TNNI3K: variants seen among roughly 807,000 people sequenced by gnomAD.
TNNI3K encodes the protein TNNI3 interacting kinase, also known as serine/threonine-protein kinase TNNI3K.
A neutral mutation model predicts 114.5 loss-of-function variants in TNNI3K; 140 were observed. That is an observed-to-expected ratio of 1.22 (90% CI 1.07 to 1.41). The LOEUF is 1.41. TNNI3K is among the 40% of genes most tolerant of loss of function. The probability of loss-of-function intolerance (pLI) is 0.00; values close to 1 mark genes in which losing one functional copy is unlikely to be tolerated. For synonymous variants in TNNI3K, 347 were observed against 347.5 expected, an observed-to-expected ratio of 1.00 and a Z score of 0.02; for missense variants, 1,125 against 1,007.6, an observed-to-expected ratio of 1.12 and a Z score of -1.58.
At chr1:74,388,191 T>C (rs1469118565) in intron 17 of TNNI3K, among the ~76,000 whole-genome samples, 1 of 151,970 alleles carries the variant, frequency 6.6e-6, no homozygotes, top group African/African-American at 2.4e-5. Flanking sequence ...GGCAGAAGAA[T>C]GGCTTGAACC....
chr1:74,536,055 G>C (rs1374309488), intron 23 of TNNI3K, among the ~76,000 whole-genome samples: 2 of 152,122 alleles, frequency 1.3e-5, no homozygotes, highest in Non-Finnish European at 2.9e-5. Flanking sequence ...GAAAACTTCT[G>C]TTTAAATCAT....
At chr1:74,312,991 C>G (rs1196728852) in intron 5 of TNNI3K, among the ~76,000 whole-genome samples, 1 of 152,174 alleles carries the variant, frequency 6.6e-6, no homozygotes, top group Non-Finnish European at 1.5e-5. Flanking sequence ...CCAATCTGTA[C>G]CTAGGCAGAC....
chr1:74,518,283 A>G (rs1646377441), intron 23 of TNNI3K, among the ~76,000 whole-genome samples: 1 of 152,224 alleles, frequency 6.6e-6, no homozygotes, highest in Non-Finnish European at 1.5e-5. Context: ...GGTCATTAAC[A>G]GAAATTGAAA....
chr1:74,436,899 A>T (rs971097251), intron 19 of TNNI3K, among the ~76,000 whole-genome samples: 2 of 152,080 alleles, frequency 1.3e-5, no homozygotes, highest in South Asian at 4.1e-4. Flanking sequence ...TCTATTAACT[A>T]TTCATCGTTC....
In TNNI3K at chr1:74,266,511, A is replaced by G. The variant is rs138224882; in HGVS notation, c.334-5087A>G. The stretch of plus-strand genomic sequence containing the variant: ...AGGGGAAGGGGCATAGATAGCAAAT[A>G]TCTGTGGGTTGAGTATAGATGAATG... On this transcript the variant is annotated intron_variant, in intron 4 of 24. Coordinates refer to ENST00000326637, the MANE Select transcript of TNNI3K (RefSeq NM_015978.3). 1.2e-4 allele frequency among the ~76,000 whole-genome samples: 18 copies of G among 152,136 alleles called. 1 individual carries two copies. The East Asian group carries it at 3.5e-3, about 29-fold the overall frequency.
intron 5 of TNNI3K, among the ~76,000 whole-genome samples, chr1:74,277,619 A>G (rs1319745512): frequency 6.6e-6 from 1 of 151,978 alleles, no homozygotes; most frequent in Non-Finnish European, 1.5e-5. Context: ...TACTTAAATA[A>G]CTCCTTAAAA....
At chr1:74,336,248 T>A in intron 7 of TNNI3K, 99 bp downstream of exon 7, 1 of 1,396,720 alleles carries the variant, frequency 7.2e-7, no homozygotes, top group South Asian at 1.5e-5. Flanking sequence ...AGTTGACTAA[T>A]CCTGTAGTCA....
intron 2 of TNNI3K, 55 bp from the exon 3 acceptor site, chr1:74,249,404 A>C: frequency 6.5e-7 from 1 of 1,534,152 alleles, no homozygotes; most frequent in Non-Finnish European, 8.9e-7. Flanking sequence ...TTTCAAATGA[A>C]AGACAATATG....
chr1:74,469,679 G>C (rs1667830297), intron 21 of TNNI3K: 1 of 380,174 alleles, frequency 2.6e-6, no homozygotes, highest in Non-Finnish European at 4.7e-6. Flanking sequence ...AATTGTGTCA[G>C]ACGTATCCTA....
At chr1:74,511,942 A>G (rs984987579) in intron 23 of TNNI3K, among the ~76,000 whole-genome samples, 2 of 152,214 alleles carry the variant, frequency 1.3e-5, no homozygotes, top group African/African-American at 4.8e-5. Context: ...ATGAGGATCT[A>G]AAGTCAATAG....
rs189610745 is a variant in TNNI3K at position 74,443,586 on chromosome 1, A to G, written c.2011+3964A>G. Among the ~76,000 whole-genome samples, 416 of 152,336 alleles carry G rather than the reference A, an allele frequency of 2.7e-3. 2 individuals are homozygous for G. The highest frequency in any genetic ancestry group is 3.3e-3 in the Non-Finnish European group (225 of 68,022). On this transcript the variant is annotated intron_variant, in intron 20 of 24. Transcript: ENST00000326637. ...ACTGAATTCTACCTGAGGTACAAAGAGGAGCTGGTACCATTTTTTCTGAAA... is the reference window on the plus strand; with the variant it reads ...ACTGAATTCTACCTGAGGTACAAAGGGGAGCTGGTACCATTTTTTCTGAAA...
At chr1:74,498,465 T>G (rs1356530148) in intron 23 of TNNI3K, among the ~76,000 whole-genome samples, 1 of 152,196 alleles carries the variant, frequency 6.6e-6, no homozygotes, top group Non-Finnish European at 1.5e-5. Context: ...AAACAGAAAT[T>G]CTCTTCTTTT....
intron 9 of TNNI3K, among the ~76,000 whole-genome samples, chr1:74,347,502 CTGGGTATATACCCAGTAA>C (rs1661080388): frequency 6.6e-6 from 1 of 152,158 alleles, no homozygotes; most frequent in Non-Finnish European, 1.5e-5. Flanking sequence ...TTATAATCCT[CTGGGTATATACCCAGTAA>C]TGGGATGGCT....
At chr1:74,514,782 G>T (rs1055335205) in intron 23 of TNNI3K, among the ~76,000 whole-genome samples, 1 of 152,062 alleles carries the variant, frequency 6.6e-6, no homozygotes, top group Non-Finnish European at 1.5e-5. Context: ...GGGTATTGTG[G>T]GTTGAATTGT....
chr1:74,377,766 G>A (rs1662982456), intron 17 of TNNI3K, among the ~76,000 whole-genome samples: 1 of 151,806 alleles, frequency 6.6e-6, no homozygotes, highest in African/African-American at 2.4e-5. Context: ...TATCACCCAC[G>A]AATTCTAAGT....
chr1:74,279,884 C>T (rs1460788467), intron 5 of TNNI3K, among the ~76,000 whole-genome samples: 2 of 152,096 alleles, frequency 1.3e-5, no homozygotes, highest in Non-Finnish European at 2.9e-5. Flanking sequence ...AACTACAACA[C>T]AATAATTATA....
intron 21 of TNNI3K, among the ~76,000 whole-genome samples, chr1:74,473,543 TCATTTTTAACATTGTTAGGTGTTAGGCC>T (rs1171813787): frequency 6.6e-6 from 1 of 151,684 alleles, no homozygotes; most frequent in Non-Finnish European, 1.5e-5. Context: ...TTTTTTTTTT[TCATTTTTAACATTGTTAGGTGTTAGGCC>T]TCAAAATTAA....
At chr1:74,535,276 C>A (rs1646646140) in intron 23 of TNNI3K, among the ~76,000 whole-genome samples, 1 of 152,076 alleles carries the variant, frequency 6.6e-6, no homozygotes, top group Admixed American at 6.6e-5. Flanking sequence ...TCGACACCAG[C>A]CTGACCAACA....
rs1192447018 is a variant in TNNI3K, at chr1:74,284,717, ATGCCAGAGGT to A, written c.444+13013_444+13022del. Among the ~76,000 whole-genome samples, 5 of 152,298 alleles carry A rather than the reference ATGCCAGAGGT, an allele frequency of 3.3e-5. No homozygotes were observed. In the East Asian group the frequency reaches 7.7e-4, roughly 24 times the overall value. ...TCTCAGGTTACTAACTAACCCATTT[ATGCCAGAGGT>A]TGCACATTTTTTTGTGTGAAAAATC... On this transcript the variant is annotated intron_variant, in intron 5 of 24. Transcript: ENST00000326637.
Sources: allele counts gnomAD v4.1 joint callset (sites outside exome capture counted in the v4.1 genomes callset), GRCh38; gene constraint gnomAD v4.1.1; transcripts MANE v1.5; gene names NCBI Gene and HGNC (gene_info 2026-07-23, HGNC 2026-07-21).